The following ARHGAP15 variants were observed in gnomAD, a reference collection of about 807,000 sequenced individuals.
ARHGAP15 encodes rho GTPase-activating protein 15.
ARHGAP15 carries 51 observed loss-of-function variants against 63.7 expected under a neutral mutation model. That is an observed-to-expected ratio of 0.80 (90% CI 0.64 to 1.01). The LOEUF is 1.01. Ranked by LOEUF, ARHGAP15 falls within the 50% of genes least tolerant of loss-of-function variation. The probability of loss-of-function intolerance (pLI) is 0.00; values close to 1 mark genes in which losing one functional copy is unlikely to be tolerated. For synonymous variants in ARHGAP15, 191 were observed against 193.8 expected (o/e 0.99, Z 0.12); for missense variants, 560 against 564.6 (o/e 0.99, Z 0.08).
chr2:143,573,281 C>G (rs1338290447), intron 11 of ARHGAP15, among the ~76,000 whole-genome samples: 1 of 152,170 alleles, frequency 6.6e-6, no homozygotes, highest in African/African-American at 2.4e-5. Flanking sequence ...CTTAAAGTTT[C>G]AAGGACTTCT....
chr2:143,587,722 A>T, intron 11 of ARHGAP15: 2 of 470,652 alleles, frequency 4.2e-6, no homozygotes, highest in South Asian at 3.1e-5. Context: ...TCAGAACTGG[A>T]TGGAGACCTG....
chr2:143,759,542 C>T (rs1686689357), intron 13 of ARHGAP15, among the ~76,000 whole-genome samples: 1 of 152,090 alleles, frequency 6.6e-6, no homozygotes, highest in Non-Finnish European at 1.5e-5. Flanking sequence ...AAATGATTTC[C>T]ATCACCCTTA....
chr2:143,332,810 C>A (rs998556105), intron 6 of ARHGAP15, among the ~76,000 whole-genome samples: 1 of 151,994 alleles, frequency 6.6e-6, no homozygotes, highest in African/African-American at 2.4e-5. Flanking sequence ...AACTCTCTAC[C>A]CAAACTTCAG....
chr2:143,413,854 C>G (rs913297377), intron 6 of ARHGAP15, among the ~76,000 whole-genome samples: 1 of 151,862 alleles, frequency 6.6e-6, no homozygotes, highest in African/African-American at 2.4e-5. Flanking sequence ...GGATTCCATT[C>G]TCTTCAAAAT....
chr2:143,515,187 A>ACCCC (rs200111130), intron 9 of ARHGAP15, among the ~76,000 whole-genome samples: 4 of 93,084 alleles, frequency 4.3e-5, no homozygotes, highest in African/African-American at 1.4e-4. Flanking sequence ...CACTATATTA[A>ACCCC]CCCCCCCACC....
chr2:143,755,765 G>A (rs2105537041), intron 13 of ARHGAP15, among the ~76,000 whole-genome samples: 2 of 152,282 alleles, frequency 1.3e-5, no homozygotes, highest in South Asian at 4.1e-4. Flanking sequence ...GAGGTAGGGA[G>A]TTTGAGATCA....
chr2:143,426,227 A>G (rs957132375), intron 6 of ARHGAP15, among the ~76,000 whole-genome samples: 22 of 152,204 alleles, frequency 1.4e-4, no homozygotes, highest in African/African-American at 4.1e-4. Flanking sequence ...TTTAGACTAT[A>G]TCACCACCTG....
chr2:143,160,967 A>G (rs1027467479), intron 2 of ARHGAP15, among the ~76,000 whole-genome samples: 1 of 151,972 alleles, frequency 6.6e-6, no homozygotes. Flanking sequence ...TTTGTTTATA[A>G]TCTCCTACTG....
At chr2:143,339,544 C>T (rs1684959231) in intron 6 of ARHGAP15, among the ~76,000 whole-genome samples, 1 of 152,084 alleles carries the variant, frequency 6.6e-6, no homozygotes, top group Non-Finnish European at 1.5e-5. Flanking sequence ...ATATTCCAGA[C>T]AATCTTGGGT....
At position 143,227,312 on chromosome 2, in the gene ARHGAP15, A is replaced by G. The variant is rs73962378; in HGVS notation, c.297-1269A>G. Among the ~76,000 whole-genome samples the G allele has an allele frequency of 7.0e-3, 1,063 of 152,256 alleles. 17 individuals carry two copies. Among genetic ancestry groups the G allele is most frequent in the African/African-American group, 0.024 (991 of 41,550 alleles). On this transcript the variant is annotated intron_variant, in intron 4 of 13. Coordinates refer to ENST00000295095, the MANE Select transcript of ARHGAP15 (RefSeq NM_018460.4). ...TTGATTTAACTACTGTCATATCAAG[A>G]CTTTTTTTCCAGGCCAAAGTTCAGT...
intron 9 of ARHGAP15, among the ~76,000 whole-genome samples, chr2:143,512,857 G>A (rs543598051): frequency 4.6e-5 from 7 of 152,288 alleles, no homozygotes; most frequent in African/African-American, 9.6e-5. Flanking sequence ...GCTCATCTGC[G>A]GCACATAAGC....
intron 5 of ARHGAP15, among the ~76,000 whole-genome samples, chr2:143,232,583 TATCA>T (rs2104921366): frequency 6.6e-6 from 1 of 152,306 alleles, no homozygotes; most frequent in African/African-American, 2.4e-5. Flanking sequence ...TTTTAATAGG[TATCA>T]ATCAATCACC....
At chr2:143,641,559 T>C (rs1680601205) in intron 12 of ARHGAP15, among the ~76,000 whole-genome samples, 1 of 152,132 alleles carries the variant, frequency 6.6e-6, no homozygotes, top group Admixed American at 6.6e-5. Flanking sequence ...AATTTTCTTT[T>C]CTCTAATGTT....
chr2:143,384,145 T>A (rs937025020), intron 6 of ARHGAP15, among the ~76,000 whole-genome samples: 21 of 152,126 alleles, frequency 1.4e-4, no homozygotes, highest in African/African-American at 5.1e-4. Flanking sequence ...TATTTTAAAA[T>A]TTTATTTTAA....
intron 2 of ARHGAP15, among the ~76,000 whole-genome samples, chr2:143,188,571 CATGTTCCT>C (rs1442232569): frequency 6.6e-6 from 1 of 150,734 alleles, no homozygotes; most frequent in Non-Finnish European, 1.5e-5. Flanking sequence ...TTCTTGTTGC[CATGTTCCT>C]ATGTTCCTGT....
intron 6 of ARHGAP15, among the ~76,000 whole-genome samples, chr2:143,313,756 T>A (rs1683556689): frequency 6.6e-6 from 1 of 152,206 alleles, no homozygotes; most frequent in Non-Finnish European, 1.5e-5. Flanking sequence ...GTGGCTTTGC[T>A]AATGTGTCTT....
At chr2:143,209,789 A>G (rs1020546231) in intron 3 of ARHGAP15, among the ~76,000 whole-genome samples, 2 of 152,144 alleles carry the variant, frequency 1.3e-5, no homozygotes, top group Non-Finnish European at 2.9e-5. Flanking sequence ...AATATTATGA[A>G]CAAGGGAAAA....
At chr2:143,379,524 T>C (rs1327990241) in intron 6 of ARHGAP15, among the ~76,000 whole-genome samples, 1 of 150,936 alleles carries the variant, frequency 6.6e-6, no homozygotes, top group Non-Finnish European at 1.5e-5. Flanking sequence ...TGTGTGTGTG[T>C]GTGTGTGTAT....
chr2:143,267,233 G>A lies in ARHGAP15; in HGVS notation c.474+16633G>A, dbSNP rs542199799. On this transcript the variant is annotated intron_variant, in intron 6 of 13. Coordinates refer to ENST00000295095, the MANE Select transcript of ARHGAP15 (RefSeq NM_018460.4). ...TCAATCTAAATAAAGGTTTGCCATA[G>A]TTGTTGTTGCTGTTGTTTAAATGAG... 3.9e-5 allele frequency among the ~76,000 whole-genome samples: 6 copies of A among 152,278 alleles called. No individual in the cohort carries two copies. In the South Asian group the frequency reaches 1.2e-3, roughly 32 times the overall value.
Sources: gnomAD v4.1 joint callset for allele counts (sites outside exome capture counted in the v4.1 genomes callset) on GRCh38, gnomAD v4.1.1 for gene constraint, MANE v1.5 for transcripts, NCBI Gene and HGNC (gene_info 2026-07-23, HGNC 2026-07-21) for gene names.